CSMD3: variants seen among roughly 807,000 people sequenced by gnomAD.
CSMD3 encodes CUB and sushi domain-containing protein 3.
Under a neutral mutation model 435.2 loss-of-function variants are expected in CSMD3, and 177 were observed. The ratio of observed to expected loss-of-function variants is 0.41; its 90% CI spans 0.36 to 0.46. CSMD3 has a LOEUF of 0.46. CSMD3 is among the 20% of genes least tolerant of loss of function. The pLI is 0.34. For synonymous variants in CSMD3, 1,656 were observed against 1,520.5 expected (o/e 1.09, Z -2.07); for missense variants, 4,265 against 4,504.6 (o/e 0.95, Z 1.52).
At chr8:113,393,707 A>T (rs2094471162) in intron 1 of CSMD3, among the ~76,000 whole-genome samples, 2 of 152,274 alleles carry the variant, frequency 1.3e-5, no homozygotes, top group South Asian at 4.1e-4. Flanking sequence ...CATACATTAT[A>T]ACAGATAACA....
intron 32 of CSMD3, among the ~76,000 whole-genome samples, chr8:112,431,084 A>G (rs971143075): frequency 2.0e-5 from 2 of 102,024 alleles, no homozygotes. Flanking sequence ...CTGCCCTCAC[A>G]GATATTTAGG....
intron 7 of CSMD3, among the ~76,000 whole-genome samples, chr8:112,955,565 A>T (rs574332737): frequency 6.6e-6 from 1 of 151,920 alleles, no homozygotes; most frequent in South Asian, 2.1e-4. Flanking sequence ...GATACTGTTA[A>T]ATATAGTTGC....
intron 27 of CSMD3, among the ~76,000 whole-genome samples, chr8:112,525,824 A>ATAT (rs1193896428): frequency 1.5e-5 from 2 of 136,574 alleles, no homozygotes; most frequent in South Asian, 4.5e-4. Flanking sequence ...ACACATATAA[A>ATAT]AAATATATAT....
At chr8:113,358,116 C>T (rs1044716075) in intron 1 of CSMD3, among the ~76,000 whole-genome samples, 1 of 151,912 alleles carries the variant, frequency 6.6e-6, no homozygotes, top group Non-Finnish European at 1.5e-5. Context: ...AATGTAAGCA[C>T]CAATATAATA....
intron 5 of CSMD3, among the ~76,000 whole-genome samples, chr8:113,034,147 C>A (rs1007905203): frequency 1.3e-5 from 2 of 151,450 alleles, no homozygotes; most frequent in Admixed American, 6.6e-5. Flanking sequence ...AGTGTGAGAA[C>A]AGACTAATAC....
intron 32 of CSMD3, among the ~76,000 whole-genome samples, chr8:112,414,274 C>A (rs1281668625): frequency 6.6e-6 from 1 of 152,042 alleles, no homozygotes; most frequent in Non-Finnish European, 1.5e-5. Context: ...CCTATGTCCC[C>A]CTGAGAGGTA....
rs539608045 is a variant in CSMD3 at position 112,607,354 on chromosome 8, C to A, written c.3716-20119G>T. Among the ~76,000 whole-genome samples, 15 of 151,982 alleles carry A rather than the reference C, an allele frequency of 9.9e-5. No individual in the cohort carries two copies. The East Asian group carries it at 2.9e-3, about 29-fold the overall frequency. ...GATTCACTAATTAAAAATCTCCCAT[C>A]AAAGAAAAGCTCAGAAACTGATAAT... On this transcript the variant is annotated intron_variant, in intron 22 of 70. Coordinates refer to ENST00000297405, the MANE Select transcript of CSMD3 (RefSeq NM_198123.2).
chr8:112,988,315 T>A (rs2085328092), intron 6 of CSMD3, among the ~76,000 whole-genome samples: 1 of 152,102 alleles, frequency 6.6e-6, no homozygotes, highest in African/African-American at 2.4e-5. Flanking sequence ...CCTATCCACA[T>A]CTGTGGATTA....
chr8:112,898,358 A>T (rs942754737), intron 10 of CSMD3, among the ~76,000 whole-genome samples: 2 of 151,232 alleles, frequency 1.3e-5, no homozygotes, highest in African/African-American at 4.8e-5. Context: ...CATAAAATTT[A>T]TCACATAATA....
chr8:113,407,028 C>A (rs1354848145), intron 1 of CSMD3, among the ~76,000 whole-genome samples: 1 of 151,798 alleles, frequency 6.6e-6, no homozygotes, highest in Admixed American at 6.6e-5. Flanking sequence ...TTGTGTTTAC[C>A]AAATTAGTAG....
intron 24 of CSMD3, 34 bp downstream of exon 24, chr8:112,573,467 G>A (rs2131300454): frequency 1.3e-6 from 2 of 1,556,950 alleles, no homozygotes; most frequent in Non-Finnish European, 1.8e-6. Flanking sequence ...CAGCACCCCA[G>A]TGTTTGGCCA....
chr8:113,344,122 C>A (rs2094137351), intron 1 of CSMD3, among the ~76,000 whole-genome samples: 1 of 152,036 alleles, frequency 6.6e-6, no homozygotes, highest in Non-Finnish European at 1.5e-5. Flanking sequence ...TTTCCACTGA[C>A]TAAAGAAAGT....
intron 4 of CSMD3, among the ~76,000 whole-genome samples, chr8:113,133,503 T>C (rs1272250693): frequency 6.6e-6 from 1 of 152,144 alleles, no homozygotes; most frequent in Admixed American, 6.6e-5. Context: ...ATGCAACTTA[T>C]GTGGAAAATA....
chr8:112,814,414 G>A (rs541175559), intron 12 of CSMD3, among the ~76,000 whole-genome samples: 20 of 152,222 alleles, frequency 1.3e-4, no homozygotes, highest in African/African-American at 4.6e-4. Flanking sequence ...TCTCCTTAGT[G>A]GGTCAGTCTT....
At chr8:113,388,313 T>C (rs2094447873) in intron 1 of CSMD3, among the ~76,000 whole-genome samples, 1 of 151,526 alleles carries the variant, frequency 6.6e-6, no homozygotes, top group Non-Finnish European at 1.5e-5. Context: ...ATATAGGATA[T>C]TAATTAATTC....
intron 10 of CSMD3, among the ~76,000 whole-genome samples, chr8:112,908,927 A>G (rs1350886317): frequency 2.0e-5 from 3 of 151,612 alleles, no homozygotes; most frequent in Non-Finnish European, 4.4e-5. Context: ...CAAAGTAAAT[A>G]CAAATAATGG....
Position 112,935,286 on chromosome 8 carries a change from T to G in CSMD3, c.1508+12504A>C, listed in dbSNP as rs1436313559. Among the ~76,000 whole-genome samples, 5 of 152,304 alleles carry G rather than the reference T, an allele frequency of 3.3e-5. No individual in the cohort carries two copies. The South Asian group carries it at 1.0e-3, about 32-fold the overall frequency. On this transcript the variant is annotated intron_variant, in intron 9 of 70. Coordinates refer to ENST00000297405, the MANE Select transcript of CSMD3 (RefSeq NM_198123.2). ...TTTTAATGCCAATACTATGCTGTTT[T>G]GGATACTATAGTTTTGTAGTATATT...
chr8:113,268,057 T>C (rs2093486944), intron 3 of CSMD3, among the ~76,000 whole-genome samples: 1 of 151,722 alleles, frequency 6.6e-6, no homozygotes, highest in South Asian at 2.1e-4. Context: ...ATTCCTAAGA[T>C]GGTAAGATAT....
chr8:113,379,240 T>TA (rs1446222050), intron 1 of CSMD3, among the ~76,000 whole-genome samples: 2 of 152,108 alleles, frequency 1.3e-5, no homozygotes, highest in Non-Finnish European at 1.5e-5. Context: ...CATGGAATTT[T>TA]AAAAAAACTT....
Sources: gnomAD v4.1 joint callset for allele counts (sites outside exome capture counted in the v4.1 genomes callset) on GRCh38, gnomAD v4.1.1 for gene constraint, MANE v1.5 for transcripts, NCBI Gene and HGNC (gene_info 2026-07-23, HGNC 2026-07-21) for gene names.